Variants in CDH13 observed in about 807,000 individuals in gnomAD.
CDH13 encodes the protein cadherin 13, also known as cadherin-13.
In CDH13, 24 loss-of-function variants were observed where a neutral mutation model predicts 63.8. The observed-to-expected ratio is 0.38, with a 90% confidence interval of 0.27 to 0.53. The LOEUF is 0.53. CDH13 is among the 20% of genes least tolerant of loss of function. The probability of loss-of-function intolerance (pLI) is 0.85; values close to 1 mark genes in which losing one functional copy is unlikely to be tolerated. For missense variants in CDH13, 1,049 were observed against 903.1 expected (o/e 1.16, Z -2.07); for synonymous variants, 503 against 355.3 (o/e 1.42, Z -4.67).
Position 82,904,914 on chromosome 16 carries a change from C to G in CDH13, c.157+46441C>G, listed in dbSNP as rs1455397944. Reference sequence around the variant, plus strand: ...TTTCTCCCTAAATGAACCTAGGTTTCTCCCATGGAGTGCAGTTTCTCCCTA... The same window carrying G: ...TTTCTCCCTAAATGAACCTAGGTTTGTCCCATGGAGTGCAGTTTCTCCCTA... On this transcript the variant is annotated intron_variant, in intron 2 of 13. Coordinates refer to ENST00000567109, the MANE Select transcript of CDH13 (RefSeq NM_001257.5). 7.2e-5 allele frequency among the ~76,000 whole-genome samples: 11 copies of G among 152,144 alleles called. No individual in the cohort carries two copies. The East Asian group carries it at 1.7e-3, about 24-fold the overall frequency.
chr16:83,268,435 C>T lies in CDH13; in HGVS notation c.636+50938C>T, dbSNP rs148155033. Among the ~76,000 whole-genome samples, 4 of 152,254 alleles carry T rather than the reference C, an allele frequency of 2.6e-5. 1 individual carries two copies. The highest frequency in any genetic ancestry group is 9.6e-5 in the African/African-American group (4 of 41,546). On this transcript the variant is annotated intron_variant, in intron 5 of 13. Coordinates refer to ENST00000567109, the MANE Select transcript of CDH13 (RefSeq NM_001257.5). ...GTTGCCACAGTTGTTACTACAGTTA[C>T]CACATTTTTTCCAAACCAGCAGTCA...
intron 2 of CDH13, among the ~76,000 whole-genome samples, chr16:82,912,012 C>T (rs946278068): frequency 1.3e-5 from 2 of 151,994 alleles, no homozygotes; most frequent in Admixed American, 6.6e-5. Context: ...ACCAGCTCTT[C>T]CGTGTGCAGC....
intron 1 of CDH13, among the ~76,000 whole-genome samples, chr16:82,679,272 C>A (rs546554736): frequency 6.6e-6 from 1 of 152,188 alleles, no homozygotes; most frequent in South Asian, 2.1e-4. Context: ...TGATCATATA[C>A]CTGGGAAGCT....
chr16:83,368,252 C>G (rs1313485474), intron 6 of CDH13, among the ~76,000 whole-genome samples: 1 of 152,122 alleles, frequency 6.6e-6, no homozygotes, highest in Non-Finnish European at 1.5e-5. Flanking sequence ...TTGTTATACA[C>G]TCATAATTAT....
intron 2 of CDH13, among the ~76,000 whole-genome samples, chr16:82,959,686 C>A (rs1906665227): frequency 1.3e-5 from 2 of 152,178 alleles, no homozygotes; most frequent in African/African-American, 2.4e-5. Context: ...TGATTAACAA[C>A]CCAAATTCCA....
chr16:83,746,027 G>T (rs1358206186), intron 10 of CDH13, among the ~76,000 whole-genome samples: 1 of 152,202 alleles, frequency 6.6e-6, no homozygotes, highest in African/African-American at 2.4e-5. Flanking sequence ...TCTACGATTT[G>T]CGTAGCTGTT....
At chr16:83,240,717 C>CTTTTTTTTTT (rs56753707) in intron 5 of CDH13, among the ~76,000 whole-genome samples, 2 of 81,658 alleles carry the variant, frequency 2.4e-5, no homozygotes, top group African/African-American at 5.6e-5. Flanking sequence ...CTGTCTTAAT[C>CTTTTTTTTTT]TTTTTTTTTT....
intron 7 of CDH13, among the ~76,000 whole-genome samples, chr16:83,499,463 C>G (rs1410120621): frequency 6.6e-6 from 1 of 152,228 alleles, no homozygotes; most frequent in African/African-American, 2.4e-5. Flanking sequence ...CTTTCACCAG[C>G]CTTGTGCTAG....
At chr16:83,087,066 T>C (rs2033637129) in intron 3 of CDH13, among the ~76,000 whole-genome samples, 3 of 152,170 alleles carry the variant, frequency 2.0e-5, no homozygotes, top group South Asian at 4.1e-4. Flanking sequence ...GCAGTTGCCA[T>C]TGGTAAAATT....
intron 4 of CDH13, among the ~76,000 whole-genome samples, chr16:83,180,295 T>C (rs960418613): frequency 2.0e-5 from 3 of 152,152 alleles, no homozygotes; most frequent in African/African-American, 7.2e-5. Context: ...AGGAAATAAA[T>C]GCAAATGAAA....
chr16:83,303,950 C>G (rs559809006), intron 5 of CDH13, among the ~76,000 whole-genome samples: 1 of 152,258 alleles, frequency 6.6e-6, no homozygotes, highest in African/African-American at 2.4e-5. Context: ...CAGGGGATCT[C>G]AGACTTTGCC....
At chr16:82,650,546 C>G (rs1910607131) in intron 1 of CDH13, among the ~76,000 whole-genome samples, 1 of 152,210 alleles carries the variant, frequency 6.6e-6, no homozygotes, top group South Asian at 2.1e-4. Context: ...AACCCCTACC[C>G]TATTCTATTT....
chr16:83,782,611 C>T (rs960598197), intron 12 of CDH13, among the ~76,000 whole-genome samples: 1 of 151,890 alleles, frequency 6.6e-6, no homozygotes, highest in Non-Finnish European at 1.5e-5. Context: ...TAGTGTGTGC[C>T]TGTAATCCCA....
chr16:83,233,599 C>T (rs1001164687), intron 5 of CDH13, among the ~76,000 whole-genome samples: 1 of 152,110 alleles, frequency 6.6e-6, no homozygotes, highest in African/African-American at 2.4e-5. Context: ...CTTTTGGGGG[C>T]CACCTGCATT....
intron 4 of CDH13, among the ~76,000 whole-genome samples, chr16:83,212,039 C>T (rs768713816): frequency 6.6e-6 from 1 of 152,160 alleles, no homozygotes; most frequent in African/African-American, 2.4e-5. Flanking sequence ...AGTCGAGACT[C>T]GTGGCAGGGT....
At chr16:83,076,658 C>T (rs1297687510) in intron 3 of CDH13, among the ~76,000 whole-genome samples, 2 of 152,044 alleles carry the variant, frequency 1.3e-5, no homozygotes, top group Non-Finnish European at 2.9e-5. Flanking sequence ...CACACAGTCC[C>T]TGCCTCTATA....
chr16:83,487,762 C>T (rs2151565353), intron 7 of CDH13, among the ~76,000 whole-genome samples: 1 of 152,304 alleles, frequency 6.6e-6, no homozygotes, highest in African/African-American at 2.4e-5. Flanking sequence ...CTGGGCTTCC[C>T]TCGGGGGCTC....
intron 6 of CDH13, among the ~76,000 whole-genome samples, chr16:83,445,772 C>G (rs1348044737): frequency 6.6e-6 from 1 of 152,044 alleles, no homozygotes; most frequent in Non-Finnish European, 1.5e-5. Context: ...TAAAACTTGT[C>G]CTAAGGTAGG....
chr16:83,636,434 C>G (rs1224239064), intron 8 of CDH13, among the ~76,000 whole-genome samples: 1 of 152,100 alleles, frequency 6.6e-6, no homozygotes, highest in East Asian at 1.9e-4. Flanking sequence ...AACCTTTGCT[C>G]CTTCCCTCCC....
Sources: gnomAD v4.1 joint callset for allele counts (sites outside exome capture counted in the v4.1 genomes callset) on GRCh38, gnomAD v4.1.1 for gene constraint, MANE v1.5 for transcripts, NCBI Gene and HGNC (gene_info 2026-07-23, HGNC 2026-07-21) for gene names.